SLC10A7: variants seen among roughly 807,000 people sequenced by gnomAD.
The protein encoded by SLC10A7 is sodium/bile acid cotransporter 7.
SLC10A7 carries 29 observed loss-of-function variants against 43.2 expected under a neutral mutation model. That is an observed-to-expected ratio of 0.67 (90% confidence interval 0.50 to 0.92). The LOEUF (loss-of-function observed/expected upper bound fraction) is 0.92, where lower values mean the gene tolerates loss of function less well. Ranked by LOEUF, SLC10A7 falls within the 40% of genes least tolerant of loss-of-function variation. The probability of loss-of-function intolerance (pLI) is 0.00; values close to 1 mark genes in which losing one functional copy is unlikely to be tolerated. For missense variants in SLC10A7, 295 were observed against 403.2 expected, an observed-to-expected ratio of 0.73 and a Z score of 2.30; for synonymous variants, 152 against 144.8, an observed-to-expected ratio of 1.05 and a Z score of -0.35.
intron 4 of SLC10A7, among the ~76,000 whole-genome samples, chr4:146,495,023 A>C (rs1242957767): frequency 6.6e-6 from 1 of 152,188 alleles, no homozygotes; most frequent in Non-Finnish European, 1.5e-5. Context: ...TAAAAGGTAG[A>C]TACAGTAGAA....
intron 5 of SLC10A7, among the ~76,000 whole-genome samples, chr4:146,356,715 C>A (rs1321901597): frequency 1.3e-5 from 2 of 152,146 alleles, no homozygotes; most frequent in Non-Finnish European, 2.9e-5. Context: ...CTCTATCCCC[C>A]AACTAAGCTC....
At chr4:146,429,340 A>G (rs1729603481) in intron 5 of SLC10A7, among the ~76,000 whole-genome samples, 1 of 152,194 alleles carries the variant, frequency 6.6e-6, no homozygotes, top group African/African-American at 2.4e-5. Flanking sequence ...ATATTTTACA[A>G]TCAGATAAAT....
At chr4:146,383,347 G>A (rs577646272) in intron 5 of SLC10A7, among the ~76,000 whole-genome samples, 167 of 152,232 alleles carry the variant, frequency 1.1e-3, no homozygotes, top group African/African-American at 3.9e-3. Context: ...GGGGAAAACC[G>A]CGGCTTTCTA....
intron 10 of SLC10A7, among the ~76,000 whole-genome samples, chr4:146,263,027 C>T (rs1728331902): frequency 2.0e-5 from 3 of 152,230 alleles, no homozygotes; most frequent in Admixed American, 2.0e-4. Context: ...ATGATGGGCA[C>T]CTTGTGGTCC....
chr4:146,369,397 A>C (rs931705063), intron 5 of SLC10A7, among the ~76,000 whole-genome samples: 1 of 152,230 alleles, frequency 6.6e-6, no homozygotes, highest in Admixed American at 6.5e-5. Context: ...TAACATTATC[A>C]TTAGTCTTTT....
chr4:146,482,223 T>C (rs968572090), intron 4 of SLC10A7, among the ~76,000 whole-genome samples: 2 of 152,032 alleles, frequency 1.3e-5, no homozygotes, highest in African/African-American at 4.8e-5. Flanking sequence ...TAAGGAAGAA[T>C]GATACCACCA....
At chr4:146,358,403 G>A (rs1305162006) in intron 5 of SLC10A7, among the ~76,000 whole-genome samples, 3 of 152,026 alleles carry the variant, frequency 2.0e-5, no homozygotes, top group Non-Finnish European at 4.4e-5. Flanking sequence ...GTTTATTGAA[G>A]TATAATATAG....
In SLC10A7 at chr4:146,307,265, A is replaced by G. The variant is rs192686692; in HGVS notation, c.472-1256T>C. On this transcript the variant is annotated intron_variant, in intron 6 of 11. Coordinates refer to ENST00000335472, the MANE Select transcript of SLC10A7 (RefSeq NM_001029998.6). Reference sequence around the variant, plus strand: ...CTGTGTTCATTGAAAACCAGCTTCAACACTGACCACTGGCTGTCTATTTAA... The same window carrying G: ...CTGTGTTCATTGAAAACCAGCTTCAGCACTGACCACTGGCTGTCTATTTAA... Among the ~76,000 whole-genome samples, 11 of 152,302 alleles carry G rather than the reference A, an allele frequency of 7.2e-5. No individual in the cohort carries two copies. In the East Asian group the frequency reaches 1.9e-3, roughly 27 times the overall value.
At chr4:146,492,093 G>A (rs1469266156) in intron 4 of SLC10A7, among the ~76,000 whole-genome samples, 2 of 151,892 alleles carry the variant, frequency 1.3e-5, no homozygotes, top group Admixed American at 1.3e-4. Flanking sequence ...GGTGGCGGGC[G>A]CCTGTAGTCC....
At chr4:146,286,633 T>C (rs1368652485) in intron 9 of SLC10A7, among the ~76,000 whole-genome samples, 1 of 148,832 alleles carries the variant, frequency 6.7e-6, no homozygotes, top group East Asian at 2.0e-4. Context: ...GGACCGTGTC[T>C]GGAGTGGTGA....
At chr4:146,519,428 G>T (rs978280020) in intron 1 of SLC10A7, among the ~76,000 whole-genome samples, 2 of 150,856 alleles carry the variant, frequency 1.3e-5, no homozygotes, top group African/African-American at 4.9e-5. Flanking sequence ...TTCCTCAAAT[G>T]CTGTAATAAA....
intron 5 of SLC10A7, among the ~76,000 whole-genome samples, chr4:146,407,173 A>G (rs1217457997): frequency 6.6e-6 from 1 of 152,212 alleles, no homozygotes; most frequent in Non-Finnish European, 1.5e-5. Context: ...TATACCTGAG[A>G]AAAGTCAACT....
At chr4:146,491,940 G>C (rs189383543) in intron 4 of SLC10A7, among the ~76,000 whole-genome samples, 1 of 152,122 alleles carries the variant, frequency 6.6e-6, no homozygotes, top group Non-Finnish European at 1.5e-5. Context: ...AGCCAGGGCC[G>C]GGTGCGGTGG....
chr4:146,383,333 A>C (rs986238490), intron 5 of SLC10A7, among the ~76,000 whole-genome samples: 1 of 152,162 alleles, frequency 6.6e-6, no homozygotes, highest in African/African-American at 2.4e-5. Flanking sequence ...GAACTAAATC[A>C]AAGGGGGAAA....
chr4:146,496,701 A>T (rs1289040387), intron 4 of SLC10A7, among the ~76,000 whole-genome samples: 1 of 152,186 alleles, frequency 6.6e-6, no homozygotes, highest in Non-Finnish European at 1.5e-5. Flanking sequence ...AGACAGCATA[A>T]AAATATAGTT....
chr4:146,511,759 C>T (rs1737494429), intron 2 of SLC10A7, among the ~76,000 whole-genome samples: 1 of 152,088 alleles, frequency 6.6e-6, no homozygotes, highest in African/African-American at 2.4e-5. Flanking sequence ...GCAAGCCATC[C>T]TTACAGTGAA....
At chr4:146,400,057 G>A (rs986440656) in intron 5 of SLC10A7, among the ~76,000 whole-genome samples, 32 of 152,146 alleles carry the variant, frequency 2.1e-4, no homozygotes, top group Non-Finnish European at 7.3e-5. Flanking sequence ...AGAGGTTACA[G>A]AACCTATGTA....
chr4:146,387,079 T>C (rs1738059044), intron 5 of SLC10A7, among the ~76,000 whole-genome samples: 1 of 152,220 alleles, frequency 6.6e-6, no homozygotes, highest in Admixed American at 6.5e-5. Flanking sequence ...AAAATCCTAA[T>C]CCTGATGTGA....
Position 146,262,387 on chromosome 4 carries a change from T to C in SLC10A7, c.848-3550A>G, listed in dbSNP as rs144759916. 4.2e-3 allele frequency among the ~76,000 whole-genome samples: 640 copies of C among 152,292 alleles called. 2 individuals are homozygous for C. Among genetic ancestry groups the C allele is most frequent in the African/African-American group, 0.014 (587 of 41,554 alleles). On this transcript the variant is annotated intron_variant, in intron 10 of 11. Coordinates refer to ENST00000335472, the MANE Select transcript of SLC10A7 (RefSeq NM_001029998.6). Reference sequence around the variant, plus strand: ...CACTATCTGGACAACAACTGGAAACTTGGGGGTCATCTCAATTGTTGAGAG... The same window carrying C: ...CACTATCTGGACAACAACTGGAAACCTGGGGGTCATCTCAATTGTTGAGAG...
Sources: allele counts gnomAD v4.1 joint callset (sites outside exome capture counted in the v4.1 genomes callset), GRCh38; gene constraint gnomAD v4.1.1; transcripts MANE v1.5; gene names NCBI Gene and HGNC (gene_info 2026-07-23, HGNC 2026-07-21).